The following GRIA4 variants were observed in gnomAD, a reference collection of about 807,000 sequenced individuals.
The protein encoded by GRIA4 is glutamate ionotropic receptor AMPA type subunit 4.
A neutral mutation model predicts 104.0 loss-of-function variants in GRIA4; 34 were observed. That is an observed-to-expected ratio of 0.33 (90% CI 0.25 to 0.44). The LOEUF is 0.44. Among genes scored for constraint, GRIA4 ranks in the 20% least tolerant of loss-of-function variants. GRIA4 has a pLI of 1.00. For synonymous variants in GRIA4, 386 were observed against 381.9 expected (o/e 1.01, Z -0.13); for missense variants, 750 against 1,096.5 (o/e 0.68, Z 4.46).
At chr11:105,656,487 C>T (rs1450815944) in intron 3 of GRIA4, among the ~76,000 whole-genome samples, 1 of 151,984 alleles carries the variant, frequency 6.6e-6, no homozygotes, top group Non-Finnish European at 1.5e-5. Context: ...ACTAAAACAC[C>T]AAAAGCAATG....
intron 3 of GRIA4, among the ~76,000 whole-genome samples, chr11:105,667,796 CTT>C (rs779682916): frequency 2.6e-5 from 4 of 151,920 alleles, no homozygotes; most frequent in Admixed American, 6.6e-5. Context: ...ATTAACATAT[CTT>C]TTATTTCTCA....
intron 3 of GRIA4, among the ~76,000 whole-genome samples, chr11:105,682,900 A>G (rs898518277): frequency 6.6e-6 from 1 of 152,180 alleles, no homozygotes; most frequent in Non-Finnish European, 1.5e-5. Context: ...GTGAGCAATG[A>G]CAAAACCTTC....
chr11:105,944,235 C>T (rs1277626322), intron 14 of GRIA4, among the ~76,000 whole-genome samples: 1 of 152,130 alleles, frequency 6.6e-6, no homozygotes, highest in South Asian at 2.1e-4. Flanking sequence ...ATTTTGATGT[C>T]TCTGGAATAT....
chr11:105,773,984 G>A (rs1187745367), intron 4 of GRIA4, among the ~76,000 whole-genome samples: 1 of 151,256 alleles, frequency 6.6e-6, no homozygotes, highest in Non-Finnish European at 1.5e-5. Flanking sequence ...TGAATTTTAA[G>A]ATATAAAATT....
At chr11:105,901,735 C>T (rs933102280) in intron 7 of GRIA4, among the ~76,000 whole-genome samples, 13 of 152,136 alleles carry the variant, frequency 8.5e-5, no homozygotes, top group African/African-American at 3.1e-4. Flanking sequence ...TTTTCTGGTT[C>T]ACATATTTCA....
chr11:105,940,345 C>T (rs551720435), intron 14 of GRIA4, among the ~76,000 whole-genome samples: 1 of 152,002 alleles, frequency 6.6e-6, no homozygotes, highest in South Asian at 2.1e-4. Flanking sequence ...CTGGGCAACA[C>T]AAGATCCAGC....
chr11:105,620,030 TC>T (rs1165677354), intron 3 of GRIA4, among the ~76,000 whole-genome samples: 2 of 151,888 alleles, frequency 1.3e-5, no homozygotes, highest in African/African-American at 4.8e-5. Flanking sequence ...TCTCTTACTA[TC>T]CAAAGTGTTA....
Position 105,918,642 on chromosome 11 carries a change from T to G in GRIA4, c.1270-70T>G, listed in dbSNP as rs1216297120. On this transcript the variant is annotated intron_variant, in intron 10 of 16. Transcript: ENST00000282499. ...ACAATCTTTTGTCAAATTCTGAAAT[T>G]GGAAAGTTACATAAGGTTTTTCAAA... The G allele has an allele frequency of 2.7e-5, 20 of 754,502 alleles. No individual in the cohort carries two copies. In the East Asian group the frequency reaches 5.3e-4, roughly 20 times the overall value. 46.7% of individuals were successfully genotyped at this position (754,502 alleles called of 1,614,324 possible).
chr11:105,749,739 GTAGT>G (rs1352918541), intron 3 of GRIA4, among the ~76,000 whole-genome samples: 1 of 152,138 alleles, frequency 6.6e-6, no homozygotes, highest in Non-Finnish European at 1.5e-5. Context: ...AAAAAATGGA[GTAGT>G]ATCATGTGTT....
chr11:105,669,188 T>A (rs1390670818), intron 3 of GRIA4, among the ~76,000 whole-genome samples: 1 of 151,998 alleles, frequency 6.6e-6, no homozygotes, highest in Non-Finnish European at 1.5e-5. Context: ...CTCTTACAAC[T>A]TCTGTCCTAA....
chr11:105,777,846 G>T (rs1158271980), intron 4 of GRIA4, among the ~76,000 whole-genome samples: 2 of 152,252 alleles, frequency 1.3e-5, no homozygotes, highest in African/African-American at 4.8e-5. Context: ...ACCCACTACA[G>T]CTAGCACTCA....
chr11:105,875,377 T>A (rs370331689), intron 5 of GRIA4, among the ~76,000 whole-genome samples: 2 of 152,148 alleles, frequency 1.3e-5, no homozygotes, highest in African/African-American at 4.8e-5. Flanking sequence ...GAAATTTTCT[T>A]TTTTTGTTGT....
At chr11:105,978,768 C>T (rs946441855) in intron 16 of GRIA4, among the ~76,000 whole-genome samples, 2 of 152,134 alleles carry the variant, frequency 1.3e-5, no homozygotes, top group African/African-American at 4.8e-5. Context: ...AGAATTTAGA[C>T]AGTGAATGAA....
chr11:105,735,630 A>T (rs565170689), intron 3 of GRIA4, among the ~76,000 whole-genome samples: 1 of 152,106 alleles, frequency 6.6e-6, no homozygotes, highest in Non-Finnish European at 1.5e-5. Context: ...TCTACTTTTT[A>T]TCTAAGCTAA....
chr11:105,685,251 G>A (rs1952842223), intron 3 of GRIA4, among the ~76,000 whole-genome samples: 1 of 152,060 alleles, frequency 6.6e-6, no homozygotes, highest in Non-Finnish European at 1.5e-5. Flanking sequence ...TTAGAAAGCT[G>A]ATATATGCTC....
intron 14 of GRIA4, among the ~76,000 whole-genome samples, chr11:105,955,754 T>G (rs1029550939): frequency 2.3e-4 from 35 of 152,240 alleles, no homozygotes; most frequent in Non-Finnish European, 5.9e-5. Context: ...AAAGCATTCC[T>G]ATTTCTCCAC....
chr11:105,839,715 T>A (rs1279464569), intron 4 of GRIA4, among the ~76,000 whole-genome samples: 2 of 151,396 alleles, frequency 1.3e-5, no homozygotes, highest in African/African-American at 2.4e-5. Flanking sequence ...CTCAAAAAAA[T>A]AAAAAATAAA....
chr11:105,830,970 GCACACA>G (rs143570637), intron 4 of GRIA4, among the ~76,000 whole-genome samples: 15 of 148,742 alleles, frequency 1.0e-4, no homozygotes, highest in South Asian at 8.6e-4. Flanking sequence ...ATACACACAC[GCACACA>G]CACACACACA....
chr11:105,740,776 C>A (rs1939256543), intron 3 of GRIA4, among the ~76,000 whole-genome samples: 1 of 151,980 alleles, frequency 6.6e-6, no homozygotes, highest in Non-Finnish European at 1.5e-5. Flanking sequence ...GCAGCTACTG[C>A]AAAGGCCCTG....
Sources: gnomAD v4.1 joint callset for allele counts (sites outside exome capture counted in the v4.1 genomes callset) on GRCh38, gnomAD v4.1.1 for gene constraint, MANE v1.5 for transcripts, NCBI Gene and HGNC (gene_info 2026-07-23, HGNC 2026-07-21) for gene names.